The following SLCO3A1 variants were observed in gnomAD, a reference collection of about 807,000 sequenced individuals.
SLCO3A1 encodes solute carrier organic anion transporter family member 3A1.
Under a neutral mutation model 63.1 loss-of-function variants are expected in SLCO3A1, and 27 were observed. The ratio of observed to expected loss-of-function variants is 0.43; its 90% CI spans 0.32 to 0.59. SLCO3A1 has a LOEUF of 0.59. SLCO3A1 is among the 20% of genes least tolerant of loss of function. SLCO3A1 has a pLI of 0.09. For synonymous variants in SLCO3A1, 473 were observed against 409.9 expected (o/e 1.15, Z -1.86); for missense variants, 773 against 945.8 (o/e 0.82, Z 2.40).
intron 7 of SLCO3A1, among the ~76,000 whole-genome samples, chr15:92,129,439 T>C (rs968312575): frequency 5.3e-5 from 8 of 152,168 alleles, no homozygotes; most frequent in African/African-American, 1.9e-4. Flanking sequence ...CCTCCTCCAA[T>C]GTCCCCTCCT....
intron 6 of SLCO3A1, 116 bp from the exon 7 acceptor site, chr15:92,128,234 TC>T (rs1050162809): frequency 6.1e-5 from 74 of 1,220,394 alleles, no homozygotes; most frequent in Admixed American, 4.9e-4. Context: ...CAGGTAACAA[TC>T]CCATAAGCAG....
intron 2 of SLCO3A1, among the ~76,000 whole-genome samples, chr15:92,086,874 G>T (rs1461372683): frequency 2.0e-5 from 3 of 151,892 alleles, no homozygotes; most frequent in Non-Finnish European, 4.4e-5. Context: ...TACTCAAGAG[G>T]CTGAGGCAGG....
chr15:91,861,217 T>C (rs1476808123), intron 1 of SLCO3A1, among the ~76,000 whole-genome samples: 2 of 152,226 alleles, frequency 1.3e-5, no homozygotes, highest in Non-Finnish European at 2.9e-5. Context: ...GGAGGAATTG[T>C]GTGTAAAGCA....
intron 2 of SLCO3A1, among the ~76,000 whole-genome samples, chr15:92,045,071 G>T (rs777782869): frequency 3.9e-5 from 6 of 152,116 alleles, no homozygotes; most frequent in Non-Finnish European, 1.5e-5. Context: ...ATGAGGTCAG[G>T]AGATGGAGAC....
At chr15:92,044,457 A>G (rs577263703) in intron 2 of SLCO3A1, among the ~76,000 whole-genome samples, 19 of 152,154 alleles carry the variant, frequency 1.2e-4, no homozygotes, top group Admixed American at 3.3e-4. Context: ...TCTCTCAGGC[A>G]AGCAAACAAG....
chr15:91,864,915 C>T (rs765549316), intron 1 of SLCO3A1, among the ~76,000 whole-genome samples: 32 of 152,184 alleles, frequency 2.1e-4, no homozygotes, highest in Non-Finnish European at 3.7e-4. Context: ...ATCAGTGTCA[C>T]GCCTCACCGT....
At chr15:92,018,915 C>A (rs1334435975) in intron 2 of SLCO3A1, among the ~76,000 whole-genome samples, 1 of 152,174 alleles carries the variant, frequency 6.6e-6, no homozygotes, top group Non-Finnish European at 1.5e-5. Flanking sequence ...TACCATCACT[C>A]CCCTGGTGCT....
intron 2 of SLCO3A1, among the ~76,000 whole-genome samples, chr15:92,080,667 G>T (rs944541665): frequency 6.6e-6 from 1 of 152,186 alleles, no homozygotes; most frequent in South Asian, 2.1e-4. Context: ...TGCCCCAGAG[G>T]CCACACGGGG....
chr15:92,108,152 T>G (rs2047688033), intron 4 of SLCO3A1, among the ~76,000 whole-genome samples: 1 of 152,216 alleles, frequency 6.6e-6, no homozygotes, highest in Non-Finnish European at 1.5e-5. Flanking sequence ...CAGGTCAGCC[T>G]GGAAGTCCCC....
chr15:91,956,060 G>T (rs934498471), intron 2 of SLCO3A1, among the ~76,000 whole-genome samples: 6 of 152,158 alleles, frequency 3.9e-5, no homozygotes, highest in African/African-American at 1.4e-4. Context: ...AGATGAGGAG[G>T]GAGTGATTCT....
chr15:92,057,192 C>G (rs2047031948), intron 2 of SLCO3A1, among the ~76,000 whole-genome samples: 1 of 152,206 alleles, frequency 6.6e-6, no homozygotes, highest in African/African-American at 2.4e-5. Context: ...TGATTGCCAC[C>G]TGGACTGCCG....
At chr15:92,117,677 G>A (rs1026434942) in intron 4 of SLCO3A1, among the ~76,000 whole-genome samples, 3 of 152,130 alleles carry the variant, frequency 2.0e-5, no homozygotes, top group Non-Finnish European at 4.4e-5. Flanking sequence ...TGGCATGGCC[G>A]ACAGGTCTCC....
At chr15:91,951,520 G>C (rs933648360) in intron 2 of SLCO3A1, among the ~76,000 whole-genome samples, 2 of 150,596 alleles carry the variant, frequency 1.3e-5, no homozygotes, top group Middle Eastern at 6.9e-3. Context: ...CCGATCACTC[G>C]TGTATAATTT....
intron 2 of SLCO3A1, among the ~76,000 whole-genome samples, chr15:91,997,951 G>A (rs1423111626): frequency 2.0e-5 from 3 of 152,124 alleles, no homozygotes; most frequent in Non-Finnish European, 2.9e-5. Flanking sequence ...TATCAGCCTT[G>A]GGAAATAATT....
intron 2 of SLCO3A1, among the ~76,000 whole-genome samples, chr15:92,083,152 G>T (rs761167058): frequency 1.3e-5 from 2 of 152,160 alleles, no homozygotes; most frequent in Non-Finnish European, 2.9e-5. Flanking sequence ...GCCGTCACCC[G>T]TGTGTACCAG....
At chr15:92,112,754 A>G (rs1036915424) in intron 4 of SLCO3A1, among the ~76,000 whole-genome samples, 4 of 152,340 alleles carry the variant, frequency 2.6e-5, no homozygotes, top group African/African-American at 9.6e-5. Context: ...CATAAGTGAT[A>G]TCTTAGCGCA....
intron 7 of SLCO3A1, among the ~76,000 whole-genome samples, chr15:92,146,208 C>T (rs2151587675): frequency 6.6e-6 from 1 of 152,318 alleles, no homozygotes; most frequent in South Asian, 2.1e-4. Flanking sequence ...AGCCCCTGCT[C>T]CTCCCTTTGC....
At chr15:91,932,668 C>T (rs557731908) in intron 2 of SLCO3A1, among the ~76,000 whole-genome samples, 11 of 152,318 alleles carry the variant, frequency 7.2e-5, no homozygotes, top group South Asian at 2.1e-4. Flanking sequence ...GTCTCAAACT[C>T]CTGACCTCAG....
rs939879960 is a variant in SLCO3A1, at chr15:92,148,719, T to C, written c.1688+1560T>C. ...CCCCTTGCCATTTATCTTAAAAAAG[T>C]ACTCCTTTACAAGAAGAAAAAAAGA... On this transcript the variant is annotated intron_variant, in intron 8 of 9. Transcript: ENST00000318445. 6.6e-5 allele frequency: 10 copies of C among 152,244 alleles called. No individual in the cohort carries two copies. In the South Asian group the frequency reaches 1.2e-3, roughly 19 times the overall value. The allele number at this position is 152,244 out of a possible 1,614,324, so 9.4% of individuals were successfully genotyped here.
Sources: gnomAD v4.1 joint callset for allele counts (sites outside exome capture counted in the v4.1 genomes callset) on GRCh38, gnomAD v4.1.1 for gene constraint, MANE v1.5 for transcripts, NCBI Gene and HGNC (gene_info 2026-07-23, HGNC 2026-07-21) for gene names.